Variants in FER1L6 observed in about 807,000 individuals in gnomAD.
FER1L6 encodes fer-1-like protein 6.
In FER1L6, 177 loss-of-function variants were observed where a neutral mutation model predicts 219.2. The ratio of observed to expected loss-of-function variants is 0.81; its 90% confidence interval spans 0.71 to 0.91. The LOEUF (loss-of-function observed/expected upper bound fraction) is 0.91, where lower values mean the gene tolerates loss of function less well. Ranked by LOEUF, FER1L6 falls within the 40% of genes least tolerant of loss-of-function variation. The pLI, the probability that FER1L6 is intolerant of heterozygous loss-of-function variation, is 0.00. For missense variants in FER1L6, 2,153 were observed against 2,259.9 expected, an observed-to-expected ratio of 0.95 and a Z score of 0.96; for synonymous variants, 768 against 824.3, an observed-to-expected ratio of 0.93 and a Z score of 1.17.
intron 10 of FER1L6, 84 bp from the exon 11 acceptor site, chr8:123,980,381 G>A: frequency 9.0e-7 from 1 of 1,111,782 alleles, no homozygotes; most frequent in Non-Finnish European, 1.3e-6. Flanking sequence ...GTCTTTCTTG[G>A]ATATTCTACA....
intron 11 of FER1L6, chr8:123,985,619 C>A (rs188637590): frequency 6.5e-6 from 1 of 153,668 alleles, no homozygotes; most frequent in Non-Finnish European, 1.4e-5. Context: ...CAAGGAGGAA[C>A]AAATAACGTA....
intron 12 of FER1L6, among the ~76,000 whole-genome samples, chr8:124,001,138 G>T (rs1817392391): frequency 6.6e-6 from 1 of 152,220 alleles, no homozygotes; most frequent in African/African-American, 2.4e-5. Flanking sequence ...AATTCCCTTA[G>T]TGGACTGGGA....
At chr8:123,972,330 T>A (rs144134103) in intron 6 of FER1L6, among the ~76,000 whole-genome samples, 176 of 152,372 alleles carry the variant, frequency 1.2e-3, no homozygotes, top group African/African-American at 3.9e-3. Context: ...GTCATTCGAT[T>A]AGTCATTCAT....
intron 14 of FER1L6, among the ~76,000 whole-genome samples, chr8:124,012,904 T>G (rs1415512750): frequency 1.3e-5 from 2 of 152,210 alleles, no homozygotes; most frequent in African/African-American, 4.8e-5. Flanking sequence ...AGGAAAAGTG[T>G]GATTATTAAG....
At chr8:123,955,965 TTG>T in intron 1 of FER1L6, 25 bp from the exon 2 acceptor site, 1 of 1,583,272 alleles carries the variant, frequency 6.3e-7, no homozygotes, top group East Asian at 2.3e-5. Context: ...AAAGTTTTTA[TTG>T]TTTCTTTTTT....
At chr8:124,066,368 AC>A in intron 26 of FER1L6, 59 bp from the exon 27 acceptor site, 1 of 1,577,470 alleles carries the variant, frequency 6.3e-7, no homozygotes, top group South Asian at 1.2e-5. Context: ...AAGCCAGTTG[AC>A]CATCAGCATG....
At chr8:123,972,253 T>A (rs1815855212) in intron 6 of FER1L6, among the ~76,000 whole-genome samples, 1 of 152,200 alleles carries the variant, frequency 6.6e-6, no homozygotes, top group African/African-American at 2.4e-5. Context: ...TTTCTTGAGG[T>A]CAACTGAATT....
At chr8:124,024,546 T>A (rs1244195224) in intron 18 of FER1L6, among the ~76,000 whole-genome samples, 1 of 152,256 alleles carries the variant, frequency 6.6e-6, no homozygotes, top group Non-Finnish European at 1.5e-5. Context: ...TTCATTCTTT[T>A]TATGACTGAG....
chr8:123,971,745 G>T (rs999557751), intron 6 of FER1L6, among the ~76,000 whole-genome samples: 5 of 152,230 alleles, frequency 3.3e-5, no homozygotes, highest in Non-Finnish European at 5.9e-5. Context: ...GATAAGAAGT[G>T]GGGGACTGCT....
At chr8:123,909,461 T>C (rs532599528) in intron 1 of FER1L6, among the ~76,000 whole-genome samples, 2 of 152,164 alleles carry the variant, frequency 1.3e-5, no homozygotes, top group South Asian at 2.1e-4. Context: ...AAAAGGTTGT[T>C]GAGTGGGGGC....
intron 21 of FER1L6, 124 bp downstream of exon 21, chr8:124,046,025 T>C: frequency 6.1e-6 from 7 of 1,140,014 alleles, no homozygotes; most frequent in African/African-American, 1.5e-5. Context: ...TAGATGTACC[T>C]AGAGGCAAAC....
chr8:123,905,378 G>T (rs1812932893), intron 1 of FER1L6, among the ~76,000 whole-genome samples: 1 of 152,134 alleles, frequency 6.6e-6, no homozygotes, highest in Admixed American at 6.6e-5. Context: ...ATGGCTTCCA[G>T]CTTCATCCAT....
At chr8:124,099,108 C>T (rs1822437783) in intron 37 of FER1L6, among the ~76,000 whole-genome samples, 1 of 152,160 alleles carries the variant, frequency 6.6e-6, no homozygotes, top group Admixed American at 6.6e-5. Flanking sequence ...TCATTTTCTG[C>T]CGTCTAGCAG....
chr8:124,113,306 T>C (rs1366465709), intron 39 of FER1L6, among the ~76,000 whole-genome samples: 1 of 152,168 alleles, frequency 6.6e-6, no homozygotes, highest in Non-Finnish European at 1.5e-5. Context: ...TCAATATATT[T>C]GGGTATACTC....
intron 20 of FER1L6, chr8:124,040,760 C>T (rs1199740936): frequency 1.3e-5 from 2 of 152,306 alleles, no homozygotes; most frequent in African/African-American, 2.4e-5. Flanking sequence ...TATGCTCGCT[C>T]AGGCCTCTCT....
Position 124,035,338 on chromosome 8 carries a change from T to A in FER1L6, c.2348T>A (p.Leu783Gln). The A allele has an allele frequency of 6.2e-7, 1 of 1,614,168 alleles. No individual in the cohort carries two copies. The highest frequency in any genetic ancestry group is 8.5e-7 in the Non-Finnish European group (1 of 1,179,996). ...GCAAAAGTCGACGTGTACCTGTGGC[T>A]GGGCTCCATCAAGCATGCCAGTGCC... ...VQAKVDVYLW[L>Q]GSIKHASAIL... Residue 783 changes from leucine to glutamine, a missense_variant, in exon 19 of 41, where the codon CTG (leucine) becomes CAG (glutamine). Coordinates refer to ENST00000522917, the MANE Select transcript of FER1L6 (RefSeq NM_001039112.2).
At chr8:123,866,562 A>G (rs998530052) in intron 1 of FER1L6, among the ~76,000 whole-genome samples, 1 of 152,162 alleles carries the variant, frequency 6.6e-6, no homozygotes, top group Non-Finnish European at 1.5e-5. Flanking sequence ...TTAAGGAAAC[A>G]TCATGCTACT....
At chr8:123,959,352 T>A (rs1455975712) in intron 2 of FER1L6, among the ~76,000 whole-genome samples, 1 of 152,178 alleles carries the variant, frequency 6.6e-6, no homozygotes, top group Non-Finnish European at 1.5e-5. Context: ...CACTGGAAGC[T>A]TGAAACTCGA....
chr8:123,997,436 G>A (rs1817184666), intron 12 of FER1L6, among the ~76,000 whole-genome samples: 1 of 151,978 alleles, frequency 6.6e-6, no homozygotes, highest in African/African-American at 2.4e-5. Context: ...CTGCTTTTAG[G>A]TTCTTTATCC....
Sources: allele counts gnomAD v4.1 joint callset (sites outside exome capture counted in the v4.1 genomes callset), GRCh38; gene constraint gnomAD v4.1.1; transcripts MANE v1.5; gene names NCBI Gene and HGNC (gene_info 2026-07-23, HGNC 2026-07-21).